The following TET3 variants were observed in gnomAD, a reference collection of about 807,000 sequenced individuals.
TET3 encodes the protein tet methylcytosine dioxygenase 3, also known as methylcytosine dioxygenase TET3.
Under a neutral mutation model 141.4 loss-of-function variants are expected in TET3, and 19 were observed. The ratio of observed to expected loss-of-function variants is 0.13; its 90% confidence interval spans 0.09 to 0.20. TET3 has a LOEUF of 0.20. TET3 is among the 10% of genes least tolerant of loss of function. The probability of loss-of-function intolerance (pLI) is 1.00; values close to 1 mark genes in which losing one functional copy is unlikely to be tolerated. For synonymous variants in TET3, 1,043 were observed against 980.9 expected (o/e 1.06, Z -1.18); for missense variants, 1,874 against 2,356.9 (o/e 0.80, Z 4.24).
At chr2:74,109,429 T>C (rs1691649346), downstream of TET3, among the ~76,000 whole-genome samples, 1 of 151,546 alleles carries the variant, frequency 6.6e-6, no homozygotes, top group African/African-American at 2.4e-5. Flanking sequence ...ACTTAAACTA[T>C]CTTTATCAGT....
intron 2 of TET3, among the ~76,000 whole-genome samples, chr2:73,999,163 C>G (rs886501981): frequency 6.6e-6 from 1 of 152,146 alleles, no homozygotes; most frequent in South Asian, 2.1e-4. Context: ...CTCCCTCTAC[C>G]CTCTACCAGC....
At chr2:74,002,613 G>T in intron 2 of TET3, 1 of 347,064 alleles carries the variant, frequency 2.9e-6, no homozygotes, top group Non-Finnish European at 5.2e-6. Context: ...TCCACCAGGC[G>T]GGGGCAGGGC....
At position 74,086,791 on chromosome 2, in the gene TET3, T is replaced by TAAAA. The variant is rs33942081; in HGVS notation, c.2680-1020_2680-1017dup. 3.8e-3 allele frequency among the ~76,000 whole-genome samples: 354 copies of TAAAA among 94,000 alleles called. 3 individuals carry two copies. The highest frequency in any genetic ancestry group is 6.3e-3 in the Middle Eastern group (1 of 160). 61.7% of individuals were successfully genotyped at this position (94,000 alleles called of 152,430 possible). On this transcript the variant is annotated intron_variant, in intron 6 of 11. Coordinates refer to ENST00000409262, the MANE Select transcript of TET3 (RefSeq NM_001287491.2). ...GGGCAACAGAGTAAGACCCTGACTC[T>TAAAA]AAAAAAAAAAAAAAAAAAAAAAGTT...
the TET3 span, among the ~76,000 whole-genome samples, chr2:74,119,002 G>A: frequency 6.6e-6 from 1 of 152,196 alleles, no homozygotes; most frequent in Non-Finnish European, 1.5e-5. Context: ...GTAAGTTGTA[G>A]TTTCTTGACC....
At chr2:74,063,262 T>C (rs1209695311) in intron 4 of TET3, among the ~76,000 whole-genome samples, 1 of 152,084 alleles carries the variant, frequency 6.6e-6, no homozygotes, top group Non-Finnish European at 1.5e-5. Context: ...TGTCCCACCG[T>C]TGGTGAAGCC....
chr2:74,096,150 C>G (rs1459465432), intron 10 of TET3, among the ~76,000 whole-genome samples: 1 of 152,180 alleles, frequency 6.6e-6, no homozygotes, highest in African/African-American at 2.4e-5. Flanking sequence ...TCTGCCACAT[C>G]TTATCTTTTG....
chr2:73,992,738 A>G (rs538530063), intron 2 of TET3, among the ~76,000 whole-genome samples: 5 of 152,364 alleles, frequency 3.3e-5, no homozygotes, highest in Admixed American at 2.0e-4. Context: ...GAGATGGGCT[A>G]AAAGTCCAAT....
At chr2:74,054,866 A>G (rs1688129745) in intron 4 of TET3, among the ~76,000 whole-genome samples, 7 of 152,156 alleles carry the variant, frequency 4.6e-5, no homozygotes, top group Admixed American at 4.6e-4. Context: ...CAGATTCCTT[A>G]AGCACAAGGA....
intron 5 of TET3, among the ~76,000 whole-genome samples, chr2:74,079,569 G>T (rs901351958): frequency 3.9e-5 from 6 of 152,192 alleles, no homozygotes; most frequent in African/African-American, 1.4e-4. Flanking sequence ...CTCATGCCAG[G>T]AACTTCAAAG....
At position 74,108,008 on chromosome 2, in the gene TET3, T is replaced by G. The variant is rs1229425306; in HGVS notation, c.*5832T>G. The G allele has an allele frequency of 6.5e-6, 1 of 153,724 alleles. No homozygotes were observed. The highest frequency in any genetic ancestry group is 2.4e-5 in the African/African-American group (1 of 41,458). The allele number at this position is 153,724 out of a possible 1,614,324, so 9.5% of individuals were successfully genotyped here. A position where few individuals can be genotyped will look rare whatever the true frequency, so the allele number is the denominator to read the frequency against. ...TTACCCTCCCTTCTCCCTCAGTGTT[T>G]CAGTAAATTTAATTTAGGGTGCCTA... On this transcript the variant is annotated 3_prime_UTR_variant, in exon 12 of 12. Transcript: ENST00000409262.
chr2:74,115,184 G>C, the TET3 span, among the ~76,000 whole-genome samples: 4 of 152,222 alleles, frequency 2.6e-5, no homozygotes, highest in African/African-American at 9.6e-5. Context: ...CAGAATGGGA[G>C]AAAGGATTTG....
chr2:74,118,100 C>G, the TET3 span, among the ~76,000 whole-genome samples: 1 of 152,192 alleles, frequency 6.6e-6, no homozygotes, highest in African/African-American at 2.4e-5. Flanking sequence ...GCTTTAAACA[C>G]CTGTGACGCT....
the TET3 span, chr2:74,123,256 G>C: frequency 1.1e-4 from 17 of 152,236 alleles, no homozygotes; most frequent in African/African-American, 3.9e-4. Context: ...AGGCGGCAAA[G>C]ATGGCAGTGA....
chr2:74,125,001 G>A, the TET3 span, among the ~76,000 whole-genome samples: 5 of 126,418 alleles, frequency 4.0e-5, no homozygotes, highest in East Asian at 3.0e-4. Context: ...AATACTACTC[G>A]GAATTTTTTT....
chr2:74,040,103 A>G (rs1687265082), intron 3 of TET3, among the ~76,000 whole-genome samples: 1 of 152,236 alleles, frequency 6.6e-6, no homozygotes, highest in African/African-American at 2.4e-5. Flanking sequence ...CTCGATGCAT[A>G]TGAATGGCAT....
the TET3 span, chr2:74,134,563 T>G: frequency 2.6e-6 from 1 of 386,504 alleles, no homozygotes; most frequent in South Asian, 1.9e-5. Flanking sequence ...GTCGGTTCCA[T>G]GAAAGGCAAA....
At chr2:74,133,846 G>T in the TET3 span, among the ~76,000 whole-genome samples, 1 of 152,190 alleles carries the variant, frequency 6.6e-6, no homozygotes, top group Non-Finnish European at 1.5e-5. Flanking sequence ...CCGGGTTCAA[G>T]CGATTCTCCT....
intron 3 of TET3, among the ~76,000 whole-genome samples, chr2:74,026,465 GGGAGCAGGTTGCCTGTTCTCGGACCTAA>G (rs879663170): frequency 8.5e-5 from 13 of 152,212 alleles, no homozygotes; most frequent in Admixed American, 1.3e-4. Context: ...GTGAGCCAGA[GGGAGCAGGTTGCCTGTTCTCGGACCTAA>G]GGAGGTTCCA....
At chr2:74,028,285 G>GTT (rs139816520) in intron 3 of TET3, among the ~76,000 whole-genome samples, 6 of 147,788 alleles carry the variant, frequency 4.1e-5, no homozygotes, top group South Asian at 2.2e-4. Context: ...ATGCCTAGCC[G>GTT]TTTTTTTTTT....
Sources: allele counts gnomAD v4.1 joint callset (sites outside exome capture counted in the v4.1 genomes callset), GRCh38; gene constraint gnomAD v4.1.1; transcripts MANE v1.5; gene names NCBI Gene and HGNC (gene_info 2026-07-23, HGNC 2026-07-21).